Variants in RUVBL1 observed in about 807,000 individuals in gnomAD.
RUVBL1 encodes the protein ruvB-like 1.
A neutral mutation model predicts 52.4 loss-of-function variants in RUVBL1; 4 were observed. The ratio of observed to expected loss-of-function variants is 0.08; its 90% CI spans 0.04 to 0.17. The LOEUF (loss-of-function observed/expected upper bound fraction) is 0.17, where lower values mean the gene tolerates loss of function less well. Ranked by LOEUF, RUVBL1 falls within the 10% of genes least tolerant of loss-of-function variation. The pLI is 1.00. For synonymous variants in RUVBL1, 217 were observed against 214.4 expected (o/e 1.01, Z -0.10); for missense variants, 298 against 572.8 (o/e 0.52, Z 4.90).
intron 3 of RUVBL1, 92 bp downstream of exon 3, chr3:128,112,796 C>T: frequency 7.3e-7 from 1 of 1,373,974 alleles, no homozygotes. Context: ...CCACGAATAC[C>T]AGTCATAAAG....
rs1341336079 is a variant in RUVBL1, at chr3:128,101,749, T to G, written c.514-101A>C. 4 of 1,207,514 alleles carry G rather than the reference T, an allele frequency of 3.3e-6. No homozygotes were observed. The East Asian group carries it at 9.3e-5, about 28-fold the overall frequency. 74.8% of individuals were successfully genotyped at this position (1,207,514 alleles called of 1,614,324 possible). On this transcript the variant is annotated intron_variant, in intron 4 of 10. Transcript: ENST00000322623. Reference sequence around the variant, plus strand: ...TAAGGGATCTGAGGTAGCTAGCAGGTGCATGGAGAAAGCCTGTTTTGCGTT... The same window carrying G: ...TAAGGGATCTGAGGTAGCTAGCAGGGGCATGGAGAAAGCCTGTTTTGCGTT...
chr3:128,144,427 A>T (rs2107736434), intron 1 of RUVBL1, among the ~76,000 whole-genome samples: 1 of 152,368 alleles, frequency 6.6e-6, no homozygotes, highest in East Asian at 1.9e-4. Context: ...CATCGCATTA[A>T]CATGAAGAAC....
intron 4 of RUVBL1, among the ~76,000 whole-genome samples, chr3:128,103,165 T>C (rs1943143192): frequency 6.6e-6 from 1 of 152,252 alleles, no homozygotes; most frequent in Non-Finnish European, 1.5e-5. Flanking sequence ...CTACATTATT[T>C]TTGTAAAGAA....
intron 6 of RUVBL1, among the ~76,000 whole-genome samples, chr3:128,099,991 C>T (rs546380630): frequency 2.0e-5 from 3 of 152,328 alleles, no homozygotes; most frequent in African/African-American, 7.2e-5. Context: ...CTTCAGTAAT[C>T]TCTTGACCAA....
chr3:128,109,527 G>T (rs1184595631), intron 3 of RUVBL1, among the ~76,000 whole-genome samples: 1 of 151,950 alleles, frequency 6.6e-6, no homozygotes, highest in African/African-American at 2.4e-5. Context: ...TTGAGACAGG[G>T]TCTCACTGTT....
intron 9 of RUVBL1, among the ~76,000 whole-genome samples, chr3:128,074,808 T>C (rs9839979): frequency 0.23 from 32,982 of 140,742 alleles, 3,813 homozygotes; most frequent in South Asian, 0.27. Flanking sequence ...CGCCATTGCA[T>C]TCCAGCCTGG....
At chr3:128,111,362 C>T (rs1943390133) in intron 3 of RUVBL1, among the ~76,000 whole-genome samples, 1 of 152,168 alleles carries the variant, frequency 6.6e-6, no homozygotes, top group Non-Finnish European at 1.5e-5. Context: ...ACTGTATCCC[C>T]AGGAGACGCT....
upstream of RUVBL1, among the ~76,000 whole-genome samples, chr3:128,126,544 CAAA>C (rs79418093): frequency 1.7e-5 from 2 of 118,090 alleles, no homozygotes; most frequent in Non-Finnish European, 1.8e-5. Context: ...AGACTCATCT[CAAA>C]AAAAAAAAAA....
chr3:128,065,095 C>G (rs571167828), exon 10 of RUVBL1: 204 of 1,556,776 alleles, frequency 1.3e-4, no homozygotes, highest in Non-Finnish European at 1.7e-4. Context: ...TTTCAGAATG[C>G]CTTGTGTGCA....
intron 1 of RUVBL1, among the ~76,000 whole-genome samples, chr3:128,122,181 C>T (rs544831416): frequency 6.6e-6 from 1 of 152,318 alleles, no homozygotes; most frequent in African/African-American, 2.4e-5. Context: ...CTTATTTGAC[C>T]TCTATGAACC....
chr3:128,066,031 C>T (rs146929175), intron 9 of RUVBL1, among the ~76,000 whole-genome samples: 1,756 of 152,116 alleles, frequency 0.012, 31 homozygotes, highest in South Asian at 0.077. Flanking sequence ...CGTGAGCCAC[C>T]GCACCCGGCC....
chr3:128,067,600 C>T lies in RUVBL1; in HGVS notation c.940-2380G>A, dbSNP rs1392993107. On this transcript the variant is annotated intron_variant, in intron 9 of 9. Transcript: ENST00000464873. The surrounding 1 kb of genome is among the most constrained non-coding windows in gnomAD (Gnocchi z 4.1). ...AAACGTGGATTGAGGTCTCAGGTTC[C>T]TCTGCCAAAGATGTAAGTAGAAGCA... 10 of 1,611,296 alleles carry T rather than the reference C, an allele frequency of 6.2e-6. No homozygotes were observed. The highest frequency in any genetic ancestry group is 8.5e-6 in the Non-Finnish European group (10 of 1,178,438).
chr3:128,101,724 T>A, intron 4 of RUVBL1, 76 bp from the exon 5 acceptor site: 1 of 1,450,856 alleles, frequency 6.9e-7, no homozygotes, highest in South Asian at 1.1e-5. Flanking sequence ...TACCTTTCCG[T>A]AAGGGATCTG....
chr3:128,153,268 G>A (rs1576499056), exon 1 of RUVBL1: 1 of 1,353,312 alleles, frequency 7.4e-7, no homozygotes, highest in East Asian at 3.1e-5. Flanking sequence ...AGAGGCTTCA[G>A]GCAGGAGGAG....
downstream of RUVBL1, chr3:128,078,953 C>G (rs9813438): frequency 0.22 from 33,591 of 152,134 alleles, 3,763 homozygotes; most frequent in South Asian, 0.27. Context: ...CTCTGGGTAC[C>G]ACCTCAGCTA....
At chr3:128,146,238 A>G (rs1197851623) in intron 1 of RUVBL1, among the ~76,000 whole-genome samples, 2 of 152,168 alleles carry the variant, frequency 1.3e-5, no homozygotes, top group African/African-American at 4.8e-5. Context: ...GAGCCAGAAG[A>G]AAACAGGAGA....
At chr3:128,087,422 C>T (rs1323693156) in intron 9 of RUVBL1, among the ~76,000 whole-genome samples, 1 of 152,192 alleles carries the variant, frequency 6.6e-6, no homozygotes, top group Non-Finnish European at 1.5e-5. Context: ...TTTTCACTAT[C>T]CTTTTCCTAA....
intron 4 of RUVBL1, 146 bp from the exon 5 acceptor site, chr3:128,101,794 G>A: frequency 1.3e-6 from 1 of 740,754 alleles, no homozygotes; most frequent in Non-Finnish European, 2.3e-6. Context: ...ACTGGGACCT[G>A]CAGGAGTGTG....
At chr3:128,100,101 T>C (rs1404515993) in intron 6 of RUVBL1, among the ~76,000 whole-genome samples, 1 of 152,232 alleles carries the variant, frequency 6.6e-6, no homozygotes, top group African/African-American at 2.4e-5. Context: ...TGTCATATAG[T>C]GATAACATCC....
Sources: gnomAD v4.1 joint callset for allele counts (sites outside exome capture counted in the v4.1 genomes callset) on GRCh38, gnomAD v4.1.1 for gene constraint, Gnocchi (gnomAD v3.1) non-coding constraint, MANE v1.5 for transcripts, NCBI Gene and HGNC (gene_info 2026-07-23, HGNC 2026-07-21) for gene names.